WWOX: variants seen among roughly 807,000 people sequenced by gnomAD.
WWOX encodes WW domain containing oxidoreductase.
A neutral mutation model predicts 46.2 loss-of-function variants in WWOX; 69 were observed. The ratio of observed to expected loss-of-function variants is 1.49; its 90% CI spans 1.23 to 1.82. The LOEUF (loss-of-function observed/expected upper bound fraction) is 1.82, where lower values mean the gene tolerates loss of function less well. WWOX is among the 40% of genes most tolerant of loss of function. The pLI is 0.00. For missense variants in WWOX, 919 were observed against 542.6 expected (o/e 1.69, Z -6.89); for synonymous variants, 359 against 202.6 (o/e 1.77, Z -6.56).
At chr16:79,086,815 G>A (rs531631613) in intron 8 of WWOX, among the ~76,000 whole-genome samples, 2 of 152,212 alleles carry the variant, frequency 1.3e-5, no homozygotes, top group Non-Finnish European at 2.9e-5. Context: ...GCTGGGAGGT[G>A]AAGGATGCAG....
chr16:79,001,006 C>G (rs547429974), intron 8 of WWOX, among the ~76,000 whole-genome samples: 5 of 152,276 alleles, frequency 3.3e-5, no homozygotes, highest in African/African-American at 9.6e-5. Flanking sequence ...CCAAGAAGAG[C>G]TCAGCGAGTA....
chr16:78,513,518 G>A (rs1416015932), intron 8 of WWOX, among the ~76,000 whole-genome samples: 1 of 152,078 alleles, frequency 6.6e-6, no homozygotes, highest in South Asian at 2.1e-4. Context: ...TTGCTTTTGG[G>A]TTGAATTCCA....
intron 8 of WWOX, among the ~76,000 whole-genome samples, chr16:78,557,501 G>A (rs115382807): frequency 0.011 from 1,686 of 152,084 alleles, 20 homozygotes; most frequent in African/African-American, 0.026. Flanking sequence ...CTGGAATGCC[G>A]GAGCACTGGG....
intron 8 of WWOX, among the ~76,000 whole-genome samples, chr16:79,153,079 G>C (rs762814948): frequency 6.6e-6 from 1 of 152,254 alleles, no homozygotes; most frequent in South Asian, 2.1e-4. Context: ...TGAAGCACAG[G>C]GCAGGAAAAT....
chr16:78,778,647 A>C (rs1319057686), intron 8 of WWOX, among the ~76,000 whole-genome samples: 1 of 152,170 alleles, frequency 6.6e-6, no homozygotes. Context: ...GTGTTTTCTC[A>C]GTATGTGAAA....
At chr16:78,229,484 C>A (rs1338344021) in intron 5 of WWOX, among the ~76,000 whole-genome samples, 10 of 135,482 alleles carry the variant, frequency 7.4e-5, no homozygotes, top group African/African-American at 2.9e-4. Flanking sequence ...ATATGTATAT[C>A]TGTATATATA....
chr16:78,949,093 A>T (rs2046006444), intron 8 of WWOX, among the ~76,000 whole-genome samples: 1 of 152,170 alleles, frequency 6.6e-6, no homozygotes, highest in Non-Finnish European at 1.5e-5. Context: ...ATAGCATGGA[A>T]AACGGGGACC....
intron 8 of WWOX, chr16:78,895,519 C>G (rs998902851): frequency 6.6e-6 from 1 of 152,186 alleles, no homozygotes; most frequent in Non-Finnish European, 1.5e-5. Flanking sequence ...TCTATCAACC[C>G]TGTATTTGTT....
intron 5 of WWOX, among the ~76,000 whole-genome samples, chr16:78,283,501 G>A (rs1412140558): frequency 6.6e-6 from 1 of 151,988 alleles, no homozygotes; most frequent in African/African-American, 2.4e-5. Context: ...TTTTTTAATT[G>A]AGTAAATATA....
chr16:78,948,149 T>C (rs1177903046), intron 8 of WWOX, among the ~76,000 whole-genome samples: 1 of 152,212 alleles, frequency 6.6e-6, no homozygotes, highest in Non-Finnish European at 1.5e-5. Flanking sequence ...TTGCTCAGAA[T>C]GAGACAGGTA....
intron 4 of WWOX, among the ~76,000 whole-genome samples, chr16:78,140,670 T>A (rs1460291610): frequency 6.6e-6 from 1 of 152,136 alleles, no homozygotes; most frequent in East Asian, 1.9e-4. Flanking sequence ...TGTTTTCTGA[T>A]CTCCTCTTCT....
At chr16:78,419,625 C>CAAAA (rs60762734) in intron 6 of WWOX, among the ~76,000 whole-genome samples, 7 of 44,680 alleles carry the variant, frequency 1.6e-4, no homozygotes, top group African/African-American at 3.6e-4. Flanking sequence ...CAAAAAATAG[C>CAAAA]AAAAAAAAAA....
chr16:78,460,489 A>G (rs2083924068), intron 8 of WWOX, among the ~76,000 whole-genome samples: 1 of 152,052 alleles, frequency 6.6e-6, no homozygotes, highest in African/African-American at 2.4e-5. Context: ...CTCCCTGAAT[A>G]CTCAAGCTTC....
chr16:78,744,168 C>G (rs1315919396), intron 8 of WWOX, among the ~76,000 whole-genome samples: 1 of 151,966 alleles, frequency 6.6e-6, no homozygotes, highest in Non-Finnish European at 1.5e-5. Flanking sequence ...ATCAGAAGGT[C>G]CGTAAAGGTG....
intron 8 of WWOX, among the ~76,000 whole-genome samples, chr16:78,625,872 G>A (rs1217641004): frequency 1.3e-5 from 2 of 149,018 alleles, no homozygotes; most frequent in Non-Finnish European, 3.0e-5. Context: ...TTACTTAAAA[G>A]TTTTTAAGTA....
At chr16:78,815,316 C>G (rs1185019108) in intron 8 of WWOX, among the ~76,000 whole-genome samples, 2 of 150,228 alleles carry the variant, frequency 1.3e-5, no homozygotes, top group Non-Finnish European at 3.0e-5. Context: ...GAGAATGAAA[C>G]TCTGTCTCGA....
At chr16:78,466,009 A>G (rs2151428773) in intron 8 of WWOX, among the ~76,000 whole-genome samples, 1 of 150,318 alleles carries the variant, frequency 6.7e-6, no homozygotes, top group Admixed American at 6.6e-5. Flanking sequence ...GTTAATGAGT[A>G]CAAGTTTCTT....
chr16:78,310,018 C>T (rs539585279), intron 5 of WWOX, among the ~76,000 whole-genome samples: 1 of 152,234 alleles, frequency 6.6e-6, no homozygotes, highest in Non-Finnish European at 1.5e-5. Context: ...CTCCTGTGAT[C>T]TGCACAATTA....
chr16:79,087,182 G>A (rs1167400863), intron 8 of WWOX, among the ~76,000 whole-genome samples: 2 of 152,184 alleles, frequency 1.3e-5, no homozygotes, highest in East Asian at 3.9e-4. Context: ...CAGTCTGGGG[G>A]AAATGCCATG....
Sources: allele counts gnomAD v4.1 joint callset (sites outside exome capture counted in the v4.1 genomes callset), GRCh38; gene constraint gnomAD v4.1.1; transcripts MANE v1.5; gene names NCBI Gene and HGNC (gene_info 2026-07-23, HGNC 2026-07-21).